PTPRD: variants seen among roughly 807,000 people sequenced by gnomAD.
PTPRD encodes the protein receptor-type tyrosine-protein phosphatase delta.
PTPRD carries 34 observed loss-of-function variants against 214.5 expected under a neutral mutation model. That is an observed-to-expected ratio of 0.16 (90% CI 0.12 to 0.21). The LOEUF (loss-of-function observed/expected upper bound fraction) is 0.21. Among genes scored for constraint, PTPRD ranks in the 10% least tolerant of loss-of-function variants. The pLI, the probability that PTPRD is intolerant of heterozygous loss-of-function variation, is 1.00. For synonymous variants in PTPRD, 1,128 were observed against 845.7 expected, an observed-to-expected ratio of 1.33 and a Z score of -5.79; for missense variants, 2,545 against 2,398.7, an observed-to-expected ratio of 1.06 and a Z score of -1.27.
At chr9:9,444,288 T>A (rs1440061770) in intron 8 of PTPRD, among the ~76,000 whole-genome samples, 2 of 152,176 alleles carry the variant, frequency 1.3e-5, no homozygotes, top group Admixed American at 6.5e-5. Flanking sequence ...AGAGACCTCA[T>A]TAGAGATTAA....
Position 9,067,064 on chromosome 9 carries a change from A to G in PTPRD, c.-142-48329T>C, listed in dbSNP as rs115005296. ...TGGAGACCAGCCTGACCAACATGGC[A>G]AAACCCTATCTCTACTACAAATAAA... On this transcript the variant is annotated intron_variant, in intron 10 of 45. Coordinates refer to ENST00000381196, the MANE Select transcript of PTPRD (RefSeq NM_002839.4). 3.7e-3 allele frequency among the ~76,000 whole-genome samples: 567 copies of G among 152,268 alleles called. 4 individuals are homozygous for G. The highest frequency in any genetic ancestry group is 0.013 in the African/African-American group (545 of 41,564).
chr9:8,561,208 G>A (rs956925326), intron 14 of PTPRD, among the ~76,000 whole-genome samples: 1 of 151,914 alleles, frequency 6.6e-6, no homozygotes, highest in African/African-American at 2.4e-5. Context: ...CCTTTGAGTG[G>A]TGTCTTCGCT....
chr9:8,390,401 G>T (rs2089052853), intron 36 of PTPRD, among the ~76,000 whole-genome samples: 1 of 151,882 alleles, frequency 6.6e-6, no homozygotes, highest in Non-Finnish European at 1.5e-5. Context: ...CCACATCCTA[G>T]AATATACTCT....
At chr9:9,687,587 G>A (rs2097188116) in intron 7 of PTPRD, among the ~76,000 whole-genome samples, 1 of 151,152 alleles carries the variant, frequency 6.6e-6, no homozygotes, top group Non-Finnish European at 1.5e-5. Flanking sequence ...TTACTAACCT[G>A]CACATTGTGC....
At chr9:8,347,585 T>C (rs1401318708) in intron 39 of PTPRD, among the ~76,000 whole-genome samples, 2 of 152,150 alleles carry the variant, frequency 1.3e-5, no homozygotes, top group Non-Finnish European at 2.9e-5. Context: ...AACTGAAATC[T>C]GTTATGGGCT....
In PTPRD at chr9:9,621,289, T is replaced by G. The variant is rs559313105; in HGVS notation, c.-286-46508A>C. On this transcript the variant is annotated intron_variant, in intron 7 of 45. Transcript: ENST00000381196. ...CATCTATTTTTAGAGTTTTATTTCA[T>G]GTTCATAAAAACATTCCCATTTTTC... 2.0e-5 allele frequency among the ~76,000 whole-genome samples: 3 copies of G among 152,344 alleles called. No individual in the cohort carries two copies. In the South Asian group the frequency reaches 6.2e-4, roughly 32 times the overall value.
chr9:9,065,153 G>A (rs1344068168), intron 10 of PTPRD, among the ~76,000 whole-genome samples: 1 of 152,130 alleles, frequency 6.6e-6, no homozygotes, highest in Admixed American at 6.6e-5. Context: ...GGCAGAGATA[G>A]GTAATAAACA....
chr9:10,046,659 T>C (rs918582918), intron 3 of PTPRD, among the ~76,000 whole-genome samples: 5 of 151,922 alleles, frequency 3.3e-5, no homozygotes, highest in Non-Finnish European at 7.4e-5. Context: ...TAGAGAAAAA[T>C]ACATTCAATT....
At chr9:10,606,790 C>T (rs977060824) in intron 2 of PTPRD, among the ~76,000 whole-genome samples, 58 of 151,830 alleles carry the variant, frequency 3.8e-4, no homozygotes, top group African/African-American at 1.4e-3. Context: ...CGTGTAGCTG[C>T]TGAAGGAGTC....
At chr9:8,343,116 G>C (rs530485504) in intron 39 of PTPRD, among the ~76,000 whole-genome samples, 1 of 151,816 alleles carries the variant, frequency 6.6e-6, no homozygotes, top group East Asian at 1.9e-4. Flanking sequence ...GTTTCTGTTT[G>C]GTATCATAGT....
chr9:9,501,656 C>G (rs1434048312), intron 8 of PTPRD, among the ~76,000 whole-genome samples: 1 of 151,860 alleles, frequency 6.6e-6, no homozygotes, highest in Admixed American at 6.6e-5. Context: ...AGACTACAGA[C>G]TGGGCAATAC....
At chr9:8,557,485 G>A (rs1004782016) in intron 14 of PTPRD, among the ~76,000 whole-genome samples, 1 of 140,218 alleles carries the variant, frequency 7.1e-6, no homozygotes. Context: ...GCTCATCCCC[G>A]TAATCCCAGC....
At chr9:9,498,861 C>A (rs1354430182) in intron 8 of PTPRD, among the ~76,000 whole-genome samples, 1 of 151,978 alleles carries the variant, frequency 6.6e-6, no homozygotes, top group Non-Finnish European at 1.5e-5. Context: ...TCAAAAGTGT[C>A]CTTCATTAAA....
chr9:8,537,283 T>A (rs2077184207), intron 14 of PTPRD, among the ~76,000 whole-genome samples: 2 of 151,976 alleles, frequency 1.3e-5, no homozygotes, highest in African/African-American at 4.8e-5. Context: ...GAAAAAATCA[T>A]ATAGTTTCTA....
At position 10,425,421 on chromosome 9, in the gene PTPRD, T is replaced by G. The variant is rs192946676; in HGVS notation, c.-599-84404A>C. ...TATAATAACATTATTTGTGAAAACA[T>G]AGAGCAACCTTTCTCTCTATCTCTC... is the stretch of plus-strand genomic sequence containing the variant. On this transcript the variant is annotated intron_variant, in intron 2 of 45. Transcript: ENST00000381196. Among the ~76,000 whole-genome samples, 296 of 152,082 alleles carry G rather than the reference T, an allele frequency of 1.9e-3. 1 individual carries two copies. The highest frequency in any genetic ancestry group is 6.8e-3 in the African/African-American group (283 of 41,556).
At chr9:8,659,911 A>T (rs1304275447) in intron 12 of PTPRD, among the ~76,000 whole-genome samples, 1 of 152,218 alleles carries the variant, frequency 6.6e-6, no homozygotes, top group African/African-American at 2.4e-5. Context: ...TTATTCACCA[A>T]TGAAGAATAA....
At chr9:9,803,295 C>A (rs1382386259) in intron 5 of PTPRD, among the ~76,000 whole-genome samples, 6 of 150,924 alleles carry the variant, frequency 4.0e-5, no homozygotes, top group Non-Finnish European at 7.4e-5. Flanking sequence ...CAGTGATAAT[C>A]CTCATTGGTA....
chr9:9,802,256 A>G (rs1222121120), intron 5 of PTPRD, among the ~76,000 whole-genome samples: 2 of 151,878 alleles, frequency 1.3e-5, no homozygotes, highest in African/African-American at 4.8e-5. Flanking sequence ...CAAGATTCCT[A>G]TGGGTTGATA....
chr9:10,598,696 G>GTGTA (rs1240617294), intron 2 of PTPRD, among the ~76,000 whole-genome samples: 9 of 96,478 alleles, frequency 9.3e-5, no homozygotes, highest in Non-Finnish European at 1.7e-4. Context: ...GTGTGTGTGT[G>GTGTA]TGTGTGTGGT....
Sources: gnomAD v4.1 joint callset for allele counts (sites outside exome capture counted in the v4.1 genomes callset) on GRCh38, gnomAD v4.1.1 for gene constraint, MANE v1.5 for transcripts, NCBI Gene and HGNC (gene_info 2026-07-23, HGNC 2026-07-21) for gene names.